P3H2: variants seen among roughly 807,000 people sequenced by gnomAD.
The protein encoded by P3H2 is leprecan-like 1.
Under a neutral mutation model 87.0 loss-of-function variants are expected in P3H2, and 80 were observed. That is an observed-to-expected ratio of 0.92 (90% CI 0.77 to 1.11). The LOEUF (loss-of-function observed/expected upper bound fraction) is 1.11. P3H2 is among the 50% of genes least tolerant of loss of function. P3H2 has a pLI of 0.00. For missense variants in P3H2, 1,001 were observed against 923.9 expected, an observed-to-expected ratio of 1.08 and a Z score of -1.08; for synonymous variants, 367 against 359.3, an observed-to-expected ratio of 1.02 and a Z score of -0.24.
intron 1 of P3H2, among the ~76,000 whole-genome samples, chr3:190,051,110 A>T (rs1725967475): frequency 6.6e-6 from 1 of 152,202 alleles, no homozygotes; most frequent in Non-Finnish European, 1.5e-5. Context: ...ATCATCATGT[A>T]ATTTGATAAG....
intron 13 of P3H2, among the ~76,000 whole-genome samples, chr3:189,968,529 A>G (rs1290585187): frequency 3.9e-5 from 6 of 152,180 alleles, no homozygotes; most frequent in Non-Finnish European, 4.4e-5. Flanking sequence ...AGTCTTTGCT[A>G]TTGTGAACAG....
chr3:190,062,745 G>C (rs541272002), intron 1 of P3H2, among the ~76,000 whole-genome samples: 1 of 152,134 alleles, frequency 6.6e-6, no homozygotes, highest in African/African-American at 2.4e-5. Context: ...CTGTAAAATG[G>C]AATTAATAAT....
chr3:190,095,751 C>T (rs6807372), intron 1 of P3H2, among the ~76,000 whole-genome samples: 5,042 of 152,012 alleles, frequency 0.033, 242 homozygotes, highest in African/African-American at 0.11. Flanking sequence ...CAGGCGCCCG[C>T]CACCACGCCT....
chr3:190,026,764 C>T (rs139142515), intron 1 of P3H2, among the ~76,000 whole-genome samples: 1 of 152,066 alleles, frequency 6.6e-6, no homozygotes, highest in Admixed American at 6.5e-5. Flanking sequence ...ATCCAAGAAC[C>T]CTCCCTTTCT....
intron 1 of P3H2, among the ~76,000 whole-genome samples, chr3:190,103,894 C>T (rs3106806): frequency 2.6e-5 from 4 of 151,894 alleles, no homozygotes; most frequent in Non-Finnish European, 5.9e-5. Context: ...CAGGTTCAAC[C>T]GATTCTCGTG....
Position 190,120,626 on chromosome 3 carries a change from G to A in P3H2, c.106C>T (p.Leu36=). The change falls in exon 1 of 15, where the codon CTG becomes TTG. Residue 36 remains leucine, a synonymous_variant. Transcript: ENST00000319332. ...AAGGGCTGCAGAGGCCCGGGCTCCA[G>A]CTCCAGCTCCCGGCGTGGGCTGTCC... ...PPDSPRRELE[L]EPGPLQPFDL... is the part of the protein sequence containing the mutation. 6.5e-7 allele frequency: 1 copy of A among 1,533,088 alleles called. No individual in the cohort carries two copies. Among genetic ancestry groups the A allele is most frequent in the Non-Finnish European group, 8.7e-7 (1 of 1,148,452 alleles). 95.0% of individuals were successfully genotyped at this position (1,533,088 alleles called of 1,614,324 possible). A position where few individuals can be genotyped will look rare whatever the true frequency, so the allele number is the denominator to read the frequency against.
chr3:189,997,943 T>A (rs1393816800), intron 1 of P3H2, among the ~76,000 whole-genome samples: 1 of 152,200 alleles, frequency 6.6e-6, no homozygotes, highest in African/African-American at 2.4e-5. Flanking sequence ...AAAAGTTGTT[T>A]AAACACTGGT....
chr3:190,088,855 C>T (rs1296263316), intron 1 of P3H2, among the ~76,000 whole-genome samples: 1 of 152,110 alleles, frequency 6.6e-6, no homozygotes, highest in Non-Finnish European at 1.5e-5. Context: ...TGCAGATGTT[C>T]ATAAATGACC....
intron 1 of P3H2, among the ~76,000 whole-genome samples, chr3:190,088,181 C>T (rs1179891545): frequency 6.6e-6 from 1 of 152,096 alleles, no homozygotes; most frequent in Non-Finnish European, 1.5e-5. Flanking sequence ...TAAAGGAGTT[C>T]TTTCTTAGGT....
chr3:190,050,600 C>A (rs763517806), intron 1 of P3H2, among the ~76,000 whole-genome samples: 37 of 152,078 alleles, frequency 2.4e-4, no homozygotes, highest in Non-Finnish European at 3.4e-4. Flanking sequence ...GTGGCTAAGT[C>A]AATTCTCTAC....
chr3:190,072,058 C>T (rs1384248583), intron 1 of P3H2, among the ~76,000 whole-genome samples: 7 of 149,490 alleles, frequency 4.7e-5, no homozygotes, highest in South Asian at 2.1e-4. Context: ...CTCGGCTCAC[C>T]GCAACCTCCA....
rs146898152 is a variant in P3H2, at chr3:189,971,616, C to T, written c.1817+274G>A. The T allele has an allele frequency of 1.9e-3, 785 of 409,038 alleles. 7 individuals carry two copies. Among genetic ancestry groups the T allele is most frequent in the African/African-American group, 0.014 (702 of 48,786 alleles). 25.3% of individuals were successfully genotyped at this position (409,038 alleles called of 1,614,324 possible). ...CACAAGGAATATGTTCCAGGGAGAA[C>T]AGGAATTTTTTTAAAAGAACATAAA... is the stretch of plus-strand genomic sequence containing the variant. On this transcript the variant is annotated intron_variant, in intron 12 of 14. Transcript: ENST00000319332.
At chr3:190,068,466 C>T (rs1457256569) in intron 1 of P3H2, among the ~76,000 whole-genome samples, 1 of 152,104 alleles carries the variant, frequency 6.6e-6, no homozygotes, top group Admixed American at 6.6e-5. Context: ...GGGAAGTTAC[C>T]CCACACCCTT....
At chr3:190,056,394 C>T (rs2177270) in intron 1 of P3H2, among the ~76,000 whole-genome samples, 27,030 of 152,132 alleles carry the variant, frequency 0.18, 3,395 homozygotes, top group African/African-American at 0.36. Flanking sequence ...TGGTTCACCG[C>T]TATATTCCCG....
intron 1 of P3H2, among the ~76,000 whole-genome samples, chr3:190,059,973 AT>A (rs1419232577): frequency 1.3e-5 from 2 of 152,132 alleles, no homozygotes; most frequent in African/African-American, 4.8e-5. Context: ...AAGACAGGAA[AT>A]TTTTCCAGGT....
chr3:190,004,411 C>T (rs1394589583), intron 1 of P3H2, among the ~76,000 whole-genome samples: 2 of 152,190 alleles, frequency 1.3e-5, no homozygotes, highest in Non-Finnish European at 2.9e-5. Context: ...GAGACGGAGT[C>T]TCGCTCTGTC....
chr3:190,046,494 A>C (rs1323838721), intron 1 of P3H2, among the ~76,000 whole-genome samples: 1 of 152,174 alleles, frequency 6.6e-6, no homozygotes, highest in Non-Finnish European at 1.5e-5. Context: ...GATGATGATG[A>C]AGAGAGGAGC....
intron 1 of P3H2, among the ~76,000 whole-genome samples, chr3:190,001,437 C>T (rs534120963): frequency 6.6e-6 from 1 of 152,090 alleles, no homozygotes; most frequent in Non-Finnish European, 1.5e-5. Flanking sequence ...TGAATGAATT[C>T]TTTTTCTACT....
intron 8 of P3H2, 86 bp downstream of exon 8, chr3:189,982,960 G>C: frequency 1.0e-6 from 1 of 958,586 alleles, no homozygotes; most frequent in Non-Finnish European, 1.7e-6. Flanking sequence ...AGAGAAAGTG[G>C]GTTCTTCCTT....
Sources: allele counts gnomAD v4.1 joint callset (sites outside exome capture counted in the v4.1 genomes callset), GRCh38; gene constraint gnomAD v4.1.1; transcripts MANE v1.5; gene names NCBI Gene and HGNC (gene_info 2026-07-23, HGNC 2026-07-21).